TNK2: variants seen among roughly 807,000 people sequenced by gnomAD.
The protein encoded by TNK2 is activated CDC42 kinase 1.
A neutral mutation model predicts 101.8 loss-of-function variants in TNK2; 83 were observed. The observed-to-expected ratio is 0.82, with a 90% CI of 0.68 to 0.98. The LOEUF is 0.98. TNK2 is among the 50% of genes least tolerant of loss of function. The pLI is 0.00. For synonymous variants in TNK2, 804 were observed against 633.0 expected, an observed-to-expected ratio of 1.27 and a Z score of -4.06; for missense variants, 1,665 against 1,483.2, an observed-to-expected ratio of 1.12 and a Z score of -2.01.
At chr3:195,903,548 C>T (rs1469186626) in intron 1 of TNK2, among the ~76,000 whole-genome samples, 2 of 152,094 alleles carry the variant, frequency 1.3e-5, no homozygotes, top group Non-Finnish European at 1.5e-5. Context: ...GAAACCCCAT[C>T]TCTACTAAGG....
Position 195,886,903 on chromosome 3 carries a change from T to A in TNK2, c.234+74A>T. The A allele has an allele frequency of 1.9e-6, 3 of 1,540,484 alleles. No homozygotes were observed. Among genetic ancestry groups the A allele is most frequent in the Non-Finnish European group, 2.7e-6 (3 of 1,113,244 alleles). ...CGACCTGCCGGGGAGCTGGGGAAGG[T>A]TCCCAGGACCAGAAGCGGAGGGGGG... is the stretch of plus-strand genomic sequence containing the variant. On this transcript the variant is annotated intron_variant, in intron 3 of 15. Transcript: ENST00000672887. The surrounding 1 kb of genome is among the most constrained non-coding windows in gnomAD (Gnocchi z 4.2).
chr3:195,904,363 A>C (rs2149875816), intron 1 of TNK2, among the ~76,000 whole-genome samples: 1 of 148,090 alleles, frequency 6.8e-6, no homozygotes, highest in East Asian at 1.9e-4. Flanking sequence ...AAAAAGAAGA[A>C]AATTCTGACA....
chr3:195,885,465 T>C lies in TNK2; in HGVS notation c.235-432A>G, dbSNP rs1755194422. On this transcript the variant is annotated intron_variant, in intron 3 of 15. Transcript: ENST00000672887. This position sits in a 1 kb window ranked among gnomAD's most constrained non-coding sequence, Gnocchi z 4.7. The stretch of plus-strand genomic sequence containing the variant: ...CCACAGACACCTCCTTGTCCATTTT[T>C]AGCCCTGGCCCCTTCTCTGGCCTGA... The C allele has an allele frequency of 7.7e-7, 1 of 1,305,892 alleles. No individual in the cohort carries two copies. The highest frequency in any genetic ancestry group is 1.5e-5 in the African/African-American group (1 of 66,740). The allele number at this position is 1,305,892 out of a possible 1,614,324, so 80.9% of individuals were successfully genotyped here. A position where few individuals can be genotyped will look rare whatever the true frequency, so the allele number is the denominator to read the frequency against.
At chr3:195,876,421 C>T (rs573843097) in intron 9 of TNK2, 2 of 456,696 alleles carry the variant, frequency 4.4e-6, no homozygotes, top group Non-Finnish European at 8.8e-6. Context: ...CCCACAGATG[C>T]ACACCCAGGC....
chr3:195,868,732 A>G, intron 12 of TNK2, 23 bp from the exon 13 acceptor site: 2 of 1,528,688 alleles, frequency 1.3e-6, no homozygotes, highest in African/African-American at 2.8e-5. Flanking sequence ...GGGAGAGCCC[A>G]ACAGGAAGGC....
Position 195,868,186 on chromosome 3 carries a change from G to A in TNK2, c.2112C>T (p.Leu704=). The A allele has an allele frequency of 1.9e-6, 3 of 1,609,634 alleles. No homozygotes were observed. Among genetic ancestry groups the A allele is most frequent in the Non-Finnish European group, 1.7e-6 (2 of 1,178,900 alleles). The change falls in exon 13 of 16, where the codon CTC becomes CTT. Residue 704 remains leucine (L), a synonymous_variant. Transcript: ENST00000672887. ...PPPPLEDNLF[L]PPQGGGKPPS... ...GCGGCTTGCCCCCACCCTGGGGCGG[G>A]AGGAACAGGTTGTCCTCCAGGGGAG...
rs1201184567 is a variant in TNK2 at position 195,882,495 on chromosome 3, C to A, written c.610-167G>T. 6.5e-7 allele frequency: 1 copy of A among 1,540,322 alleles called. No individual in the cohort carries two copies. The highest frequency in any genetic ancestry group is 2.4e-5 in the East Asian group (1 of 40,894). ...TCTAGGAGTCCTGCAGTTTCTCAGG[C>A]CTCTCCCTCGAGGCAATTTGGGAAA... On this transcript the variant is annotated intron_variant, in intron 5 of 15. Transcript: ENST00000672887. The surrounding 1 kb of genome is among the most constrained non-coding windows in gnomAD (Gnocchi z 4.2).
intron 1 of TNK2, among the ~76,000 whole-genome samples, chr3:195,899,833 G>A (rs1302138928): frequency 1.3e-5 from 2 of 152,048 alleles, no homozygotes; most frequent in Non-Finnish European, 2.9e-5. Context: ...TGTGTCTGCT[G>A]AGAAGGACTC....
intron 1 of TNK2, chr3:195,907,932 C>T (rs1761907569): frequency 6.6e-6 from 1 of 152,330 alleles, no homozygotes; most frequent in Non-Finnish European, 1.5e-5. Context: ...GGCTCTGGGC[C>T]CTCAGGGTAA....
chr3:195,872,533 C>T, intron 9 of TNK2, 63 bp from the exon 10 acceptor site: 19 of 1,494,042 alleles, frequency 1.3e-5, no homozygotes, highest in Non-Finnish European at 1.7e-5. Flanking sequence ...CACTGGGACC[C>T]TCCTCACACC....
chr3:195,867,513 G>T lies in TNK2; in HGVS notation c.2785C>A (p.Gln929Lys). The T allele has an allele frequency of 6.4e-7, 1 of 1,557,682 alleles. No homozygotes were observed. Residue 929 changes from glutamine (Q) to lysine (K), a missense_variant, in exon 13 of 16, where the codon CAG becomes AAG. Gln to Lys is a moderately conservative substitution (Grantham distance 53). This residue lies in a region of TNK2 where 1,136 missense variants were observed against 894.9 expected (regional missense o/e 1.27). Coordinates refer to ENST00000672887, the MANE Select transcript of TNK2 (RefSeq NM_001382273.1). Reference sequence around the variant, plus strand: ...TTGGCCTTGGGGTCCAAGGCAGCCTGGGGCATCGGCCGCACGGTGGCCGTG... The same window carrying T: ...TTGGCCTTGGGGTCCAAGGCAGCCTTGGGCATCGGCCGCACGGTGGCCGTG... ...APTATVRPMP[Q>K]AALDPKANFS...
chr3:195,895,431 G>A (rs752017911), intron 1 of TNK2: 81 of 1,486,246 alleles, frequency 5.4e-5, no homozygotes, highest in East Asian at 8.3e-5. Context: ...CAGAAGTGCA[G>A]GGCCGCTACT....
At position 195,882,802 on chromosome 3, in the gene TNK2, G is replaced by A. The variant is rs1293046364; in HGVS notation, c.609+355C>T. On this transcript the variant is annotated intron_variant, in intron 5 of 15. Transcript: ENST00000672887. This position sits in a 1 kb window ranked among gnomAD's most constrained non-coding sequence, Gnocchi z 4.2. ...GAACCCAGGAGGCCGAGGTTGCAGT[G>A]AGCCTAGATCATGCCATTGCACTCC... is the stretch of plus-strand genomic sequence containing the variant. Among the ~76,000 whole-genome samples, 1 of 152,194 alleles carries A rather than the reference G, an allele frequency of 6.6e-6. No individual in the cohort carries two copies. Among genetic ancestry groups the A allele is most frequent in the Non-Finnish European group, 1.5e-5 (1 of 68,038 alleles).
chr3:195,864,787 G>A (rs1233326902), intron 15 of TNK2, among the ~76,000 whole-genome samples: 2 of 143,428 alleles, frequency 1.4e-5, no homozygotes, highest in East Asian at 2.1e-4. Flanking sequence ...AGAACCACCC[G>A]AGACAGTGAC....
chr3:195,870,299 G>T (rs1251809076), intron 10 of TNK2, 94 bp from the exon 11 acceptor site: 2 of 1,560,112 alleles, frequency 1.3e-6, no homozygotes, highest in Non-Finnish European at 1.7e-6. Flanking sequence ...AGGAAACCGG[G>T]TGTAGTCTTG....
chr3:195,872,644 G>A (rs906803872), intron 9 of TNK2, 174 bp from the exon 10 acceptor site: 28 of 641,456 alleles, frequency 4.4e-5, no homozygotes, highest in Non-Finnish European at 7.1e-5. Flanking sequence ...ACCATGCCCC[G>A]TACAGGCCTG....
chr3:195,903,488 G>A (rs1035769814), intron 1 of TNK2, among the ~76,000 whole-genome samples: 2 of 152,102 alleles, frequency 1.3e-5, no homozygotes, highest in South Asian at 2.1e-4. Context: ...AGGCCGAGGC[G>A]GGCAGGTCAC....
At position 195,868,334 on chromosome 3, in the gene TNK2, T is replaced by C; in HGVS notation, c.1964A>G (p.Gln655Arg). The C allele has an allele frequency of 1.2e-6, 2 of 1,600,512 alleles. No homozygotes were observed. Among genetic ancestry groups the C allele is most frequent in the African/African-American group, 1.3e-5 (1 of 74,592 alleles). The change falls in exon 13 of 16, where the codon CAG becomes CGG. Residue 655 changes from glutamine to arginine, a missense_variant. This residue lies in a region of TNK2 where 1,136 missense variants were observed against 894.9 expected (regional missense o/e 1.27). Transcript: ENST00000672887. ...GCAGATCTCAAAGTCATCCTCATCC[T>C]GGGCCACGTCGTCATAGGCGGGCGG... is the stretch of plus-strand genomic sequence containing the variant. ...PPPPAYDDVAQDEDDFEICSI... is the reference protein window; with the variant it reads ...PPPPAYDDVARDEDDFEICSI...
At position 195,868,555 on chromosome 3, in the gene TNK2, A is replaced by AG. The variant is rs1486975464; in HGVS notation, c.1742dup (p.Glu582Ter). 5.7e-6 allele frequency: 9 copies of AG among 1,572,326 alleles called. No homozygotes were observed. The African/African-American group carries it at 1.1e-4, about 19-fold the overall frequency. ...CACCGAAGTCGATGAGCGTGACCTC[A>AG]GCCCCGCTGCCTCGGCTGGCCTTGG... On this transcript the variant is annotated frameshift_variant, in exon 13 of 16. Transcript: ENST00000672887. LOFTEE classifies it high-confidence loss of function.
Sources: allele counts gnomAD v4.1 joint callset (sites outside exome capture counted in the v4.1 genomes callset), GRCh38; gene constraint gnomAD v4.1.1; regional missense constraint gnomAD v4.1.1; non-coding constraint Gnocchi (gnomAD v3.1); transcripts MANE v1.5; gene names NCBI Gene and HGNC (gene_info 2026-07-23, HGNC 2026-07-21).